ROR1: variants seen among roughly 807,000 people sequenced by gnomAD.
The protein encoded by ROR1 is ROR family WNT receptor 1, also known as inactive tyrosine-protein kinase transmembrane receptor ROR1.
In ROR1, 19 loss-of-function variants were observed where a neutral mutation model predicts 78.8. The ratio of observed to expected loss-of-function variants is 0.24; its 90% CI spans 0.17 to 0.35. The LOEUF is 0.35. ROR1 is among the 10% of genes least tolerant of loss of function. The pLI is 1.00. For missense variants in ROR1, 917 were observed against 1,177.8 expected, an observed-to-expected ratio of 0.78 and a Z score of 3.24; for synonymous variants, 386 against 433.6, an observed-to-expected ratio of 0.89 and a Z score of 1.36.
chr1:64,007,428 G>T, intron 1 of ROR1, among the ~76,000 whole-genome samples: 1 of 149,670 alleles, frequency 6.7e-6, no homozygotes, highest in Non-Finnish European at 1.5e-5. Context: ...CCTGAGGGGA[G>T]GTTAGTATAA....
intron 2 of ROR1, among the ~76,000 whole-genome samples, chr1:64,042,480 G>C (rs1300272081): frequency 6.6e-6 from 1 of 152,200 alleles, no homozygotes; most frequent in African/African-American, 2.4e-5. Context: ...CTCTTGGTTG[G>C]TGTGACGCAG....
At chr1:63,987,103 C>T (rs1025800559) in intron 1 of ROR1, among the ~76,000 whole-genome samples, 2 of 152,118 alleles carry the variant, frequency 1.3e-5, no homozygotes, top group Non-Finnish European at 2.9e-5. Context: ...TGCCTCTGCT[C>T]TTTTCCCTTG....
In ROR1 at chr1:64,059,201, G is replaced by T. The variant is rs200532108; in HGVS notation, c.482+8485G>T. 1.1e-3 allele frequency among the ~76,000 whole-genome samples: 162 copies of T among 141,896 alleles called. 3 individuals carry two copies. The East Asian group carries it at 0.026, about 23-fold the overall frequency. The allele number at this position is 141,896 out of a possible 152,430, so 93.1% of individuals were successfully genotyped here. On this transcript the variant is annotated intron_variant, in intron 4 of 8. Transcript: ENST00000371079. ...TAATTTGTGTCTTTTTTTTTCCTTT[G>T]TCAGACTAGCTAGTCTAACTAAAGA...
At position 63,774,304 on chromosome 1, in the gene ROR1, C is replaced by T; in HGVS notation, c.-114C>T. The T allele has an allele frequency of 1.9e-6, 1 of 536,860 alleles. No individual in the cohort carries two copies. Among genetic ancestry groups the T allele is most frequent in the Non-Finnish European group, 2.9e-6 (1 of 346,252 alleles). 33.3% of individuals were successfully genotyped at this position (536,860 alleles called of 1,614,324 possible). ...CAAAGAGCTTTGCAGACGTCCCCGGCGTCCTGCGAGCGCCAGCGGCCGGGA... is the reference window on the plus strand; with the variant it reads ...CAAAGAGCTTTGCAGACGTCCCCGGTGTCCTGCGAGCGCCAGCGGCCGGGA... On this transcript the variant is annotated 5_prime_UTR_variant, in exon 1 of 9. Coordinates refer to ENST00000371079, the MANE Select transcript of ROR1 (RefSeq NM_005012.4). The surrounding 1 kb of genome is among the most constrained non-coding windows in gnomAD (Gnocchi z 5.7).
chr1:63,783,731 G>A (rs544077734), intron 1 of ROR1, among the ~76,000 whole-genome samples: 5 of 152,204 alleles, frequency 3.3e-5, no homozygotes, highest in Admixed American at 6.5e-5. Context: ...CTCTTCCAAC[G>A]ACCACATGTC....
chr1:63,914,020 A>G (rs150922823), intron 1 of ROR1, among the ~76,000 whole-genome samples: 4 of 152,276 alleles, frequency 2.6e-5, no homozygotes, highest in African/African-American at 9.6e-5. Flanking sequence ...TGCCTGTGTC[A>G]GGAGCTCTAG....
intron 1 of ROR1, among the ~76,000 whole-genome samples, chr1:63,780,193 A>AG (rs1330499336): frequency 2.0e-5 from 3 of 150,164 alleles, no homozygotes; most frequent in African/African-American, 7.4e-5. Flanking sequence ...TAAGAGAGAG[A>AG]GGGGGACTAA....
At chr1:64,143,810 T>G (rs545760884) in intron 7 of ROR1, among the ~76,000 whole-genome samples, 1 of 152,148 alleles carries the variant, frequency 6.6e-6, no homozygotes, top group Admixed American at 6.5e-5. Flanking sequence ...GACCCAATCA[T>G]GTAAAGCTGT....
chr1:64,104,072 C>A (rs1647684402), intron 4 of ROR1, among the ~76,000 whole-genome samples: 1 of 152,078 alleles, frequency 6.6e-6, no homozygotes, highest in African/African-American at 2.4e-5. Context: ...ACGTCAATAG[C>A]GCTGAGATTG....
intron 4 of ROR1, among the ~76,000 whole-genome samples, chr1:64,101,460 G>C (rs926200866): frequency 1.3e-5 from 2 of 152,168 alleles, no homozygotes; most frequent in African/African-American, 4.8e-5. Context: ...GTGGGTTGGG[G>C]AGGAGGTAGA....
chr1:63,854,290 C>T (rs1185785558), intron 1 of ROR1, among the ~76,000 whole-genome samples: 1 of 152,190 alleles, frequency 6.6e-6, no homozygotes, highest in African/African-American at 2.4e-5. Flanking sequence ...AATCTTAGCA[C>T]CACTTACGTG....
At chr1:64,160,639 A>G (rs1649911256) in intron 8 of ROR1, among the ~76,000 whole-genome samples, 2 of 152,214 alleles carry the variant, frequency 1.3e-5, no homozygotes, top group Non-Finnish European at 2.9e-5. Flanking sequence ...CTTACTACTT[A>G]GTGCTACTAT....
intron 1 of ROR1, among the ~76,000 whole-genome samples, chr1:63,824,360 A>G (rs1644941412): frequency 6.6e-6 from 1 of 152,240 alleles, no homozygotes; most frequent in African/African-American, 2.4e-5. Flanking sequence ...ATGAAAATTT[A>G]TATATAGAAA....
chr1:63,844,206 TTG>T (rs113712144), intron 1 of ROR1, among the ~76,000 whole-genome samples: 121 of 152,304 alleles, frequency 7.9e-4, no homozygotes, highest in African/African-American at 2.7e-3. Context: ...GCTGTTATGG[TTG>T]TGTCTTTCCA....
At chr1:64,109,806 G>A (rs926651118) in intron 4 of ROR1, among the ~76,000 whole-genome samples, 1 of 152,124 alleles carries the variant, frequency 6.6e-6, no homozygotes, top group East Asian at 1.9e-4. Context: ...GGGATTATAG[G>A]TGTGAGTTAC....
rs1280254631 is a variant in ROR1 at position 64,142,394 on chromosome 1, G to A, written c.929-11G>A. ...TCTTTCTAATTGTTTGGGTTTTTGT[G>A]TGTTTTTCAGATCACAAGTGTTATA... On this transcript the variant is annotated splice_polypyrimidine_tract_variant and intron_variant, in intron 6 of 8. Transcript: ENST00000371079. The A allele has an allele frequency of 1.2e-6, 2 of 1,613,180 alleles. No homozygotes were observed. Among genetic ancestry groups the A allele is most frequent in the Non-Finnish European group, 8.5e-7 (1 of 1,179,538 alleles).
rs554567859 is a variant in ROR1, at chr1:63,891,155, G to A, written c.91+116647G>A. Reference sequence around the variant, plus strand: ...CTCACTGTTCTTGAGATTTGCAGCAGTCACAAGTTCCAGTTTGCTAAGAAA... The same window carrying A: ...CTCACTGTTCTTGAGATTTGCAGCAATCACAAGTTCCAGTTTGCTAAGAAA... On this transcript the variant is annotated intron_variant, in intron 1 of 8. Transcript: ENST00000371079. 5.3e-4 allele frequency among the ~76,000 whole-genome samples: 80 copies of A among 152,302 alleles called. 2 individuals are homozygous for A. The South Asian group carries it at 0.016, about 31-fold the overall frequency.
intron 1 of ROR1, among the ~76,000 whole-genome samples, chr1:63,889,699 CA>C (rs1353781543): frequency 2.0e-5 from 3 of 152,040 alleles, no homozygotes; most frequent in Non-Finnish European, 4.4e-5. Context: ...GATGGAAGTT[CA>C]ATATTTAAGG....
intron 2 of ROR1, among the ~76,000 whole-genome samples, chr1:64,037,708 A>C (rs565312482): frequency 3.9e-5 from 6 of 152,186 alleles, no homozygotes; most frequent in Non-Finnish European, 7.4e-5. Context: ...TGTGCTAGCA[A>C]TCCTGCTGGA....
Sources: allele counts gnomAD v4.1 joint callset (sites outside exome capture counted in the v4.1 genomes callset), GRCh38; gene constraint gnomAD v4.1.1; non-coding constraint Gnocchi (gnomAD v3.1); transcripts MANE v1.5; gene names NCBI Gene and HGNC (gene_info 2026-07-23, HGNC 2026-07-21).